Variants in SNX10 observed in about 807,000 individuals in gnomAD.
SNX10 encodes sorting nexin 10.
A neutral mutation model predicts 28.5 loss-of-function variants in SNX10; 25 were observed. The observed-to-expected ratio is 0.88, with a 90% confidence interval of 0.64 to 1.22. The LOEUF is 1.22. Among genes scored for constraint, SNX10 ranks in the 50% most tolerant of loss-of-function variants. The pLI is 0.00. For synonymous variants in SNX10, 62 were observed against 81.4 expected, an observed-to-expected ratio of 0.76 and a Z score of 1.28; for missense variants, 223 against 242.6, an observed-to-expected ratio of 0.92 and a Z score of 0.54.
At position 26,358,805 on chromosome 7, in the gene SNX10, GTTT is replaced by G. The variant is rs35527687; in HGVS notation, c.25-2153_25-2151del. On this transcript the variant is annotated intron_variant, in intron 2 of 6. Coordinates refer to ENST00000338523, the MANE Select transcript of SNX10 (RefSeq NM_013322.3). The stretch of plus-strand genomic sequence containing the variant: ...GAGCATCACTATAGTGTTATCTTGT[GTTT>G]TTTTTTTTTTTTTTTTGACCAAGTC... Among the ~76,000 whole-genome samples, 269 of 100,092 alleles carry G rather than the reference GTTT, an allele frequency of 2.7e-3. 14 individuals are homozygous for G. The highest frequency in any genetic ancestry group is 0.011 in the African/African-American group (255 of 22,682). 65.7% of individuals were successfully genotyped at this position (100,092 alleles called of 152,430 possible). A position where few individuals can be genotyped will look rare whatever the true frequency, so the allele number is the denominator to read the frequency against.
intron 1 of SNX10, among the ~76,000 whole-genome samples, chr7:26,328,768 C>T (rs1364438867): frequency 6.6e-6 from 1 of 152,138 alleles, no homozygotes; most frequent in Non-Finnish European, 1.5e-5. Context: ...CCATCATGGG[C>T]CTCGCTGCAG....
chr7:26,360,866 T>C, intron 2 of SNX10, 109 bp from the exon 3 acceptor site: 4 of 1,524,452 alleles, frequency 2.6e-6, no homozygotes, highest in Non-Finnish European at 3.5e-6. Context: ...AAGTACCACA[T>C]TGGTTAAAGC....
intron 1 of SNX10, among the ~76,000 whole-genome samples, chr7:26,332,911 C>T (rs1787797177): frequency 6.6e-6 from 1 of 152,118 alleles, no homozygotes; most frequent in Non-Finnish European, 1.5e-5. Flanking sequence ...GTTTATTTCT[C>T]AATTCTGTTC....
At position 26,372,867 on chromosome 7, in the gene SNX10, T is replaced by C. The variant is rs1789621629; in HGVS notation, c.*295T>C. On this transcript the variant is annotated 3_prime_UTR_variant, in exon 7 of 7. Transcript: ENST00000338523. ...GACTTACATGTTTTAAAAAACCGAG[T>C]TGGTTTTATTGAATTTAAAAAGATA... 3.6e-6 allele frequency: 1 copy of C among 275,598 alleles called. No homozygotes were observed. Among genetic ancestry groups the C allele is most frequent in the Non-Finnish European group, 6.9e-6 (1 of 145,132 alleles). 17.1% of individuals were successfully genotyped at this position (275,598 alleles called of 1,614,324 possible).
At chr7:26,363,314 A>G (rs1273447754) in intron 3 of SNX10, among the ~76,000 whole-genome samples, 1 of 152,208 alleles carries the variant, frequency 6.6e-6, no homozygotes, top group Non-Finnish European at 1.5e-5. Context: ...TAAGCATACC[A>G]GGAACCATGT....
chr7:26,331,284 C>G (rs920099721), intron 1 of SNX10, among the ~76,000 whole-genome samples: 1 of 152,244 alleles, frequency 6.6e-6, no homozygotes, highest in Admixed American at 6.5e-5. Flanking sequence ...GTACATTCAC[C>G]CATTTAAAAT....
intron 1 of SNX10, among the ~76,000 whole-genome samples, chr7:26,314,456 G>A (rs1014657770): frequency 1.3e-5 from 2 of 152,096 alleles, no homozygotes; most frequent in African/African-American, 4.8e-5. Flanking sequence ...GTTTTACCAT[G>A]TTAGCCAGAC....
At chr7:26,370,503 A>G (rs974988774) in intron 5 of SNX10, 2 of 152,216 alleles carry the variant, frequency 1.3e-5, no homozygotes, top group East Asian at 3.8e-4. Context: ...CCAGTAAAGA[A>G]TATTTTCTCA....
At chr7:26,367,952 A>T (rs1562822556) in intron 5 of SNX10, among the ~76,000 whole-genome samples, 1 of 152,230 alleles carries the variant, frequency 6.6e-6, no homozygotes, top group African/African-American at 2.4e-5. Flanking sequence ...AATATGTTCA[A>T]ACCTTTTGAA....
intron 5 of SNX10, among the ~76,000 whole-genome samples, chr7:26,368,982 A>G (rs763096371): frequency 6.6e-6 from 1 of 152,194 alleles, no homozygotes; most frequent in Non-Finnish European, 1.5e-5. Context: ...CATATAATAC[A>G]TCTAATAAAA....
At chr7:26,326,042 T>A (rs890466151) in intron 1 of SNX10, among the ~76,000 whole-genome samples, 6 of 152,148 alleles carry the variant, frequency 3.9e-5, no homozygotes, top group East Asian at 1.9e-4. Context: ...TTAGAGATTT[T>A]AAAAATACGT....
intron 1 of SNX10, among the ~76,000 whole-genome samples, chr7:26,313,517 G>T (rs1365750499): frequency 1.3e-5 from 2 of 152,158 alleles, no homozygotes; most frequent in African/African-American, 4.8e-5. Flanking sequence ...TCTATGCAAA[G>T]AATATTCAGA....
chr7:26,370,918 C>A (rs1789503313), intron 5 of SNX10, among the ~76,000 whole-genome samples: 1 of 152,150 alleles, frequency 6.6e-6, no homozygotes, highest in Non-Finnish European at 1.5e-5. Context: ...AACATCTTTG[C>A]TAAAAGATAA....
chr7:26,345,316 A>G (rs1272186049), intron 1 of SNX10, among the ~76,000 whole-genome samples: 1 of 152,076 alleles, frequency 6.6e-6, no homozygotes, highest in Admixed American at 6.6e-5. Context: ...GCTTTTCACC[A>G]GGCTCTGTGG....
At chr7:26,351,564 C>T (rs902885917) in intron 2 of SNX10, among the ~76,000 whole-genome samples, 1 of 151,388 alleles carries the variant, frequency 6.6e-6, no homozygotes, top group African/African-American at 2.4e-5. Context: ...AACACAATGA[C>T]CAAATATAAT....
At chr7:26,301,121 T>C (rs1180305066) in intron 1 of SNX10, among the ~76,000 whole-genome samples, 5 of 151,552 alleles carry the variant, frequency 3.3e-5, no homozygotes, top group Non-Finnish European at 7.4e-5. Context: ...TTGGTATTCA[T>C]TGGTGTTTTC....
At chr7:26,346,592 C>T (rs933846128) in intron 2 of SNX10, 126 bp downstream of exon 2, 10 of 748,592 alleles carry the variant, frequency 1.3e-5, no homozygotes, top group Non-Finnish European at 2.4e-5. Context: ...AAAGGCCCAC[C>T]CTCCTGTACC....
intron 2 of SNX10, among the ~76,000 whole-genome samples, chr7:26,355,817 A>G (rs1271618005): frequency 6.6e-6 from 1 of 152,238 alleles, no homozygotes; most frequent in African/African-American, 2.4e-5. Context: ...AGTCTTTGGA[A>G]CAAGGCAGAT....
At chr7:26,358,583 TA>T (rs1210649720) in intron 2 of SNX10, among the ~76,000 whole-genome samples, 1 of 151,380 alleles carries the variant, frequency 6.6e-6, no homozygotes, top group African/African-American at 2.4e-5. Flanking sequence ...CTAAAAAAAT[TA>T]AAAAATTAGC....
Sources: gnomAD v4.1 joint callset for allele counts (sites outside exome capture counted in the v4.1 genomes callset) on GRCh38, gnomAD v4.1.1 for gene constraint, MANE v1.5 for transcripts, NCBI Gene and HGNC (gene_info 2026-07-23, HGNC 2026-07-21) for gene names.